KCNU1: variants seen among roughly 807,000 people sequenced by gnomAD.
KCNU1 encodes potassium channel subfamily U member 1.
A neutral mutation model predicts 126.8 loss-of-function variants in KCNU1; 93 were observed. That is an observed-to-expected ratio of 0.73 (90% CI 0.62 to 0.87). The LOEUF is 0.87. Among genes scored for constraint, KCNU1 ranks in the 40% least tolerant of loss-of-function variants. The pLI is 0.00. For synonymous variants in KCNU1, 523 were observed against 494.2 expected (o/e 1.06, Z -0.77); for missense variants, 1,330 against 1,367.1 (o/e 0.97, Z 0.43).
chr8:36,873,744 G>A (rs965326063), intron 19 of KCNU1, among the ~76,000 whole-genome samples: 8 of 152,148 alleles, frequency 5.3e-5, no homozygotes, highest in Non-Finnish European at 1.2e-4. Context: ...CATGCGCAAC[G>A]ATCAGGACAA....
In KCNU1 at chr8:36,840,446, A is replaced by G. The variant is rs779567996; in HGVS notation, c.1519-17A>G. The G allele has an allele frequency of 4.8e-6, 6 of 1,253,618 alleles. No individual in the cohort carries two copies. Among genetic ancestry groups the G allele is most frequent in the Admixed American group, 1.7e-5 (1 of 57,192 alleles). The allele number at this position is 1,253,618 out of a possible 1,614,324, so 77.7% of individuals were successfully genotyped here. A position where few individuals can be genotyped will look rare whatever the true frequency, so the allele number is the denominator to read the frequency against. ...TCCTTGTCGTTTTGCTTCGTGTGGCATGATTATGTATTCCAGGTTATGCCT... is the reference window on the plus strand; with the variant it reads ...TCCTTGTCGTTTTGCTTCGTGTGGCGTGATTATGTATTCCAGGTTATGCCT... On this transcript the variant is annotated splice_polypyrimidine_tract_variant and intron_variant, in intron 14 of 26. Coordinates refer to ENST00000399881, the MANE Select transcript of KCNU1 (RefSeq NM_001031836.3).
intron 2 of KCNU1, among the ~76,000 whole-genome samples, chr8:36,798,564 G>C (rs1803190066): frequency 6.6e-6 from 1 of 152,084 alleles, no homozygotes. Context: ...GGAGACATTT[G>C]TCATCTATTG....
At chr8:36,814,923 G>C (rs143877564) in intron 8 of KCNU1, among the ~76,000 whole-genome samples, 1 of 151,992 alleles carries the variant, frequency 6.6e-6, no homozygotes, top group Non-Finnish European at 1.5e-5. Flanking sequence ...ACCCATCCAC[G>C]GTCTCACATC....
chr8:36,929,225 T>C (rs996208577), intron 24 of KCNU1, among the ~76,000 whole-genome samples: 22 of 151,342 alleles, frequency 1.5e-4, no homozygotes, highest in African/African-American at 5.3e-4. Context: ...CTACTAAAAA[T>C]ACTAAAAAAT....
chr8:36,797,738 T>C (rs564510834), intron 2 of KCNU1, among the ~76,000 whole-genome samples: 1 of 152,296 alleles, frequency 6.6e-6, no homozygotes, highest in African/African-American at 2.4e-5. Flanking sequence ...TTTCTTGCTC[T>C]TACAAGTAAA....
At chr8:36,903,538 G>A (rs1807502567) in intron 19 of KCNU1, among the ~76,000 whole-genome samples, 1 of 152,092 alleles carries the variant, frequency 6.6e-6, no homozygotes, top group African/African-American at 2.4e-5. Flanking sequence ...AATAAAATAA[G>A]TAAGTGTGTA....
At chr8:36,824,115 G>A (rs985454120) in intron 10 of KCNU1, among the ~76,000 whole-genome samples, 1 of 152,170 alleles carries the variant, frequency 6.6e-6, no homozygotes, top group African/African-American at 2.4e-5. Flanking sequence ...GGGATTGCAA[G>A]CGTGAGCCAC....
At chr8:36,824,183 T>G (rs988352710) in intron 10 of KCNU1, among the ~76,000 whole-genome samples, 1 of 152,138 alleles carries the variant, frequency 6.6e-6, no homozygotes, top group African/African-American at 2.4e-5. Flanking sequence ...AAAAATCACT[T>G]AGAATTAAAG....
chr8:36,936,070 G>C lies in KCNU1; in HGVS notation c.*150G>C, dbSNP rs1808849822. On this transcript the variant is annotated 3_prime_UTR_variant, in exon 27 of 27. Transcript: ENST00000399881. ...ATGAAGGCCACACTGTTTTGGGTGA[G>C]ACAAAAGTCTAATGCCACTGGATCT... 1 of 591,918 alleles carries C rather than the reference G, an allele frequency of 1.7e-6. No homozygotes were observed. Among genetic ancestry groups the C allele is most frequent in the Admixed American group, 3.5e-5 (1 of 28,598 alleles). The allele number at this position is 591,918 out of a possible 1,614,324, so 36.7% of individuals were successfully genotyped here.
rs1191416765 is a variant in KCNU1, at chr8:36,833,500, C to T, written c.1107-54C>T. ...CAAATTAGTTATAAAAACCTCTAAACCCAGAGTCAATCATCTTTTTTCCCT... is the reference window on the plus strand; with the variant it reads ...CAAATTAGTTATAAAAACCTCTAAATCCAGAGTCAATCATCTTTTTTCCCT... On this transcript the variant is annotated intron_variant, in intron 10 of 26. Coordinates refer to ENST00000399881, the MANE Select transcript of KCNU1 (RefSeq NM_001031836.3). The T allele has an allele frequency of 2.1e-5, 22 of 1,043,444 alleles. 1 individual carries two copies. The highest frequency in any genetic ancestry group is 1.7e-4 in the South Asian group (13 of 78,350). The allele number at this position is 1,043,444 out of a possible 1,614,324, so 64.6% of individuals were successfully genotyped here.
At chr8:36,828,283 A>T (rs1804399277) in intron 10 of KCNU1, among the ~76,000 whole-genome samples, 1 of 152,078 alleles carries the variant, frequency 6.6e-6, no homozygotes, top group African/African-American at 2.4e-5. Context: ...TATTTATGTT[A>T]CTAGTTCTTT....
In KCNU1 at chr8:36,864,553, A is replaced by G. The variant is rs561882442; in HGVS notation, c.2009+32A>G. 64 of 1,260,386 alleles carry G rather than the reference A, an allele frequency of 5.1e-5. No homozygotes were observed. In the South Asian group the frequency reaches 7.2e-4, roughly 14 times the overall value. The allele number at this position is 1,260,386 out of a possible 1,614,324, so 78.1% of individuals were successfully genotyped here. A position where few individuals can be genotyped will look rare whatever the true frequency, so the allele number is the denominator to read the frequency against. ...GCTGCAGAGAACCCTGGTCTCCTAT[A>G]GTTTTTTTGAGAATCAGTGGGCCAT... On this transcript the variant is annotated intron_variant, in intron 19 of 26. Coordinates refer to ENST00000399881, the MANE Select transcript of KCNU1 (RefSeq NM_001031836.3).
At chr8:36,867,877 T>C (rs1203947125) in intron 19 of KCNU1, among the ~76,000 whole-genome samples, 1 of 152,148 alleles carries the variant, frequency 6.6e-6, no homozygotes, top group Non-Finnish European at 1.5e-5. Context: ...GTAGACCCAG[T>C]CTGTCAGCCC....
chr8:36,908,281 C>T (rs1289132838), intron 20 of KCNU1, among the ~76,000 whole-genome samples: 1 of 152,086 alleles, frequency 6.6e-6, no homozygotes, highest in East Asian at 1.9e-4. Context: ...CATGCATATT[C>T]TTTTGTTTTC....
intron 10 of KCNU1, among the ~76,000 whole-genome samples, chr8:36,826,366 C>T (rs545255067): frequency 3.3e-5 from 5 of 152,048 alleles, no homozygotes; most frequent in South Asian, 4.2e-4. Context: ...CCCACCACCA[C>T]GCCTGGCTAA....
chr8:36,844,237 A>G (rs1392135265), intron 16 of KCNU1, among the ~76,000 whole-genome samples: 2 of 151,968 alleles, frequency 1.3e-5, no homozygotes, highest in African/African-American at 4.8e-5. Context: ...AAAATTAGCT[A>G]TGCATGGTGG....
intron 18 of KCNU1, among the ~76,000 whole-genome samples, chr8:36,863,038 GT>G (rs1401832340): frequency 6.6e-6 from 1 of 152,112 alleles, no homozygotes; most frequent in Admixed American, 6.6e-5. Flanking sequence ...TACAGGTAGG[GT>G]AAACTTAATT....
intron 10 of KCNU1, among the ~76,000 whole-genome samples, chr8:36,818,465 G>A (rs1272688492): frequency 2.0e-5 from 3 of 151,808 alleles, no homozygotes; most frequent in African/African-American, 4.8e-5. Flanking sequence ...TGTTATACAT[G>A]TTTTTCTTCC....
rs563534759 is a variant in KCNU1 at position 36,923,831 on chromosome 8, G to A, written c.2736+1202G>A. 3.3e-5 allele frequency among the ~76,000 whole-genome samples: 5 copies of A among 152,282 alleles called. No homozygotes were observed. The South Asian group carries it at 1.0e-3, about 32-fold the overall frequency. Reference sequence around the variant, plus strand: ...GTGCAAGAAAGAATGAAGAAGGAGAGGAGGTTGCTTACGAAAGGTTTAAGG... The same window carrying A: ...GTGCAAGAAAGAATGAAGAAGGAGAAGAGGTTGCTTACGAAAGGTTTAAGG... On this transcript the variant is annotated intron_variant, in intron 24 of 26. Coordinates refer to ENST00000399881, the MANE Select transcript of KCNU1 (RefSeq NM_001031836.3).
Sources: allele counts gnomAD v4.1 joint callset (sites outside exome capture counted in the v4.1 genomes callset), GRCh38; gene constraint gnomAD v4.1.1; transcripts MANE v1.5; gene names NCBI Gene and HGNC (gene_info 2026-07-23, HGNC 2026-07-21).